Variants in ATAD2B observed in about 807,000 individuals in gnomAD.
The protein encoded by ATAD2B is ATPase family AAA domain containing 2B.
In ATAD2B, 40 loss-of-function variants were observed where a neutral mutation model predicts 167.6. The observed-to-expected ratio is 0.24, with a 90% CI of 0.19 to 0.31. ATAD2B has a LOEUF of 0.31. ATAD2B is among the 10% of genes least tolerant of loss of function. ATAD2B has a pLI of 1.00. For synonymous variants in ATAD2B, 579 were observed against 596.5 expected (o/e 0.97, Z 0.43); for missense variants, 1,242 against 1,757.2 (o/e 0.71, Z 5.24).
intron 13 of ATAD2B, among the ~76,000 whole-genome samples, chr2:23,844,144 T>C (rs1395034187): frequency 6.6e-6 from 1 of 152,194 alleles, no homozygotes; most frequent in Non-Finnish European, 1.5e-5. Flanking sequence ...TTCACCATGT[T>C]GGCCAGGCTG....
chr2:23,681,437 A>G, the ATAD2B span, among the ~76,000 whole-genome samples: 1 of 152,186 alleles, frequency 6.6e-6, no homozygotes, highest in African/African-American at 2.4e-5. This position sits in a 1 kb window ranked among gnomAD's most constrained non-coding sequence, Gnocchi z 4.2. Flanking sequence ...GGCTTTAGAT[A>G]GAATCATTGC....
chr2:23,893,154 C>A (rs1031098961), intron 2 of ATAD2B, among the ~76,000 whole-genome samples: 1 of 152,122 alleles, frequency 6.6e-6, no homozygotes, highest in Non-Finnish European at 1.5e-5. Flanking sequence ...AGTTCTAGGT[C>A]CACTTTTATC....
intron 13 of ATAD2B, among the ~76,000 whole-genome samples, chr2:23,852,854 G>A (rs1192273884): frequency 1.3e-5 from 2 of 151,890 alleles, no homozygotes; most frequent in South Asian, 2.1e-4. Context: ...AGGAGGTGGA[G>A]GTTGCAGTGA....
At chr2:23,911,011 G>C (rs914616021) in intron 1 of ATAD2B, among the ~76,000 whole-genome samples, 1 of 151,964 alleles carries the variant, frequency 6.6e-6, no homozygotes, top group African/African-American at 2.4e-5. Flanking sequence ...CAGATCACCT[G>C]AAGTCGGGAG....
chr2:23,838,383 G>A (rs376905808), intron 13 of ATAD2B, among the ~76,000 whole-genome samples: 3 of 151,824 alleles, frequency 2.0e-5, no homozygotes, highest in South Asian at 2.1e-4. Flanking sequence ...GTCTTCAGAC[G>A]ATAAAGTCTC....
chr2:23,754,569 C>T (rs1675733262), intron 26 of ATAD2B, 78 bp downstream of exon 26: 2 of 1,528,074 alleles, frequency 1.3e-6, no homozygotes, highest in Non-Finnish European at 1.8e-6. Flanking sequence ...AGGAAAACTA[C>T]TTTTACTCAA....
At chr2:23,907,089 T>C (rs1325645065) in intron 1 of ATAD2B, among the ~76,000 whole-genome samples, 1 of 151,202 alleles carries the variant, frequency 6.6e-6, no homozygotes, top group Non-Finnish European at 1.5e-5. Context: ...ACCACTCCTA[T>C]TCAACATAGT....
intron 20 of ATAD2B, among the ~76,000 whole-genome samples, chr2:23,786,836 A>G (rs1483353573): frequency 1.3e-5 from 2 of 152,154 alleles, no homozygotes; most frequent in Non-Finnish European, 2.9e-5. Flanking sequence ...ATCTCCCAGT[A>G]AAGTATTACA....
intron 14 of ATAD2B, among the ~76,000 whole-genome samples, chr2:23,830,854 A>C (rs888185022): frequency 6.6e-6 from 1 of 151,982 alleles, no homozygotes; most frequent in Non-Finnish European, 1.5e-5. Flanking sequence ...AAAATAAAGA[A>C]CATGTAAAAA....
chr2:23,874,118 C>T (rs991441968), intron 8 of ATAD2B, among the ~76,000 whole-genome samples: 2 of 151,564 alleles, frequency 1.3e-5, no homozygotes, highest in African/African-American at 4.9e-5. Flanking sequence ...ACCAAGGAGG[C>T]GGAGGTTGCA....
chr2:23,869,760 T>C lies in ATAD2B; in HGVS notation c.979A>G (p.Arg327Gly). The part of the protein sequence containing the change: ...RSPARRSHIR[R>G]KKHAIHSSDT... ...CTACTATGAATGGCATGCTTCTTTC[T>C]CCTATTTAAAGAGAGTAAAATCCTT... Residue 327 changes from arginine (R) to glycine (G), a missense_variant and splice_region_variant, in exon 9 of 28, where the codon AGA becomes GGA. Around this residue, in one of 9 missense-constraint regions of ATAD2B, gnomAD observed 127 missense variants for 146.3 expected, o/e 0.87. Coordinates refer to ENST00000238789, the MANE Select transcript of ATAD2B (RefSeq NM_017552.4). 1 of 1,554,156 alleles carries C rather than the reference T, an allele frequency of 6.4e-7. No homozygotes were observed. The highest frequency in any genetic ancestry group is 8.7e-7 in the Non-Finnish European group (1 of 1,146,264).
chr2:23,791,094 C>G lies in ATAD2B; in HGVS notation c.2641-2447G>C, dbSNP rs555052614. On this transcript the variant is annotated intron_variant, in intron 19 of 27. Coordinates refer to ENST00000238789, the MANE Select transcript of ATAD2B (RefSeq NM_017552.4). ...GCCTGGCTTCTGTCACTTAAAACTTCAGGTTTTTCCAAGTTGTAGTATGTA... is the reference window on the plus strand; with the variant it reads ...GCCTGGCTTCTGTCACTTAAAACTTGAGGTTTTTCCAAGTTGTAGTATGTA... Among the ~76,000 whole-genome samples, 66 of 152,298 alleles carry G rather than the reference C, an allele frequency of 4.3e-4. 1 individual carries two copies. Among genetic ancestry groups the G allele is most frequent in the African/African-American group, 1.5e-3 (64 of 41,574 alleles).
At chr2:23,706,360 A>G in the ATAD2B span, 2 of 700,144 alleles carry the variant, frequency 2.9e-6, no homozygotes, top group Non-Finnish European at 4.2e-6. Flanking sequence ...GGGCAGCAAG[A>G]TCCCAGATGC....
chr2:23,877,500 G>A (rs747206875), intron 7 of ATAD2B, among the ~76,000 whole-genome samples: 17 of 81,660 alleles, frequency 2.1e-4, no homozygotes, highest in Non-Finnish European at 3.7e-4. Flanking sequence ...GGGAAGGGAA[G>A]GGAAGGGGAG....
At chr2:23,817,060 C>T (rs1022619263) in intron 17 of ATAD2B, among the ~76,000 whole-genome samples, 9 of 152,134 alleles carry the variant, frequency 5.9e-5, no homozygotes, top group African/African-American at 2.2e-4. Context: ...AAACAGAAAA[C>T]TAAACCAACC....
Position 23,751,743 on chromosome 2 carries a change from T to G in ATAD2B, c.*303A>C. The stretch of plus-strand genomic sequence containing the variant: ...TAAGAGAGGAGTCTCCAAAAGAGAG[T>G]GCACAAAAAGAGGAGCAGAAGCGAG... On this transcript the variant is annotated 3_prime_UTR_variant, in exon 28 of 28. Coordinates refer to ENST00000238789, the MANE Select transcript of ATAD2B (RefSeq NM_017552.4). 2.6e-6 allele frequency: 1 copy of G among 378,874 alleles called. No individual in the cohort carries two copies. The highest frequency in any genetic ancestry group is 3.4e-5 in the South Asian group (1 of 29,006). 23.5% of individuals were successfully genotyped at this position (378,874 alleles called of 1,614,324 possible).
chr2:23,780,267 T>TTG (rs67788174), intron 22 of ATAD2B, among the ~76,000 whole-genome samples: 7,266 of 143,968 alleles, frequency 0.05, 358 homozygotes, highest in African/African-American at 0.14. Flanking sequence ...AAGTATATAC[T>TTG]TGTGTGTGTG....
chr2:23,878,025 A>AAAAAAAAAAG (rs1697241557), intron 7 of ATAD2B, among the ~76,000 whole-genome samples: 39 of 106,720 alleles, frequency 3.7e-4, no homozygotes, highest in South Asian at 9.1e-4. Context: ...AAAAAAAAAA[A>AAAAAAAAAAG]AAAAAAAAAA....
intron 17 of ATAD2B, among the ~76,000 whole-genome samples, chr2:23,813,472 AC>A (rs951782601): frequency 6.6e-6 from 1 of 151,780 alleles, no homozygotes; most frequent in Admixed American, 6.6e-5. Flanking sequence ...ACAGTGGCTC[AC>A]ACCTGTAATC....
Sources: gnomAD v4.1 joint callset for allele counts (sites outside exome capture counted in the v4.1 genomes callset) on GRCh38, gnomAD v4.1.1 for gene constraint, gnomAD v4.1.1 regional missense constraint, Gnocchi (gnomAD v3.1) non-coding constraint, MANE v1.5 for transcripts, NCBI Gene and HGNC (gene_info 2026-07-23, HGNC 2026-07-21) for gene names.